The following EIF4A2 variants were observed in gnomAD, a reference collection of about 807,000 sequenced individuals.
EIF4A2 encodes the protein eukaryotic translation initiation factor 4A2, also known as eukaryotic initiation factor 4A-II.
EIF4A2 carries 9 observed loss-of-function variants against 50.6 expected under a neutral mutation model. That is an observed-to-expected ratio of 0.18 (90% CI 0.11 to 0.31). EIF4A2 has a LOEUF of 0.31. Among genes scored for constraint, EIF4A2 ranks in the 10% least tolerant of loss-of-function variants. The pLI is 1.00. For missense variants in EIF4A2, 182 were observed against 501.8 expected (o/e 0.36, Z 6.09); for synonymous variants, 215 against 164.4 (o/e 1.31, Z -2.35).
chr3:186,785,786 A>C, intron 4 of EIF4A2, 97 bp from the exon 5 acceptor site: 2 of 1,467,032 alleles, frequency 1.4e-6, no homozygotes. Context: ...CATGCATAAA[A>C]GCTGTTGGCA....
At chr3:186,788,958 GGAA>G in intron 10 of EIF4A2, 164 bp from the exon 11 acceptor site, 1 of 969,738 alleles carries the variant, frequency 1.0e-6, no homozygotes, top group South Asian at 2.1e-5. Flanking sequence ...TAACTGCAAA[GGAA>G]GATTTTTTTC....
Position 186,789,464 on chromosome 3 carries a change from A to G in EIF4A2, c.*195A>G. The G allele has an allele frequency of 3.2e-6, 2 of 620,838 alleles. No homozygotes were observed. Among genetic ancestry groups the G allele is most frequent in the South Asian group, 3.4e-5 (1 of 29,588 alleles). 38.5% of individuals were successfully genotyped at this position (620,838 alleles called of 1,614,324 possible). A position where few individuals can be genotyped will look rare whatever the true frequency, so the allele number is the denominator to read the frequency against. ...GAAAGTCATTGGCTTTATCCTCTTT[A>G]GAGTTAGACTGTTGGGGTGGGTATA... On this transcript the variant is annotated 3_prime_UTR_variant, in exon 11 of 11. Coordinates refer to ENST00000323963, the MANE Select transcript of EIF4A2 (RefSeq NM_001967.4).
Position 186,784,697 on chromosome 3 carries a change from G to A in EIF4A2, c.208+1G>A. 6.2e-7 allele frequency: 1 copy of A among 1,612,922 alleles called. No individual in the cohort carries two copies. On this transcript the variant is annotated splice_donor_variant, in intron 3 of 10. Coordinates refer to ENST00000323963, the MANE Select transcript of EIF4A2 (RefSeq NM_001967.4). LOFTEE classifies it high-confidence loss of function. ...AGAGCTATTATTCCCTGTATTAAAG[G>A]TAAAAGAAACTGGCATTTTTAGGAA...
intron 1 of EIF4A2, 30 bp downstream of exon 1, chr3:186,783,669 T>C (rs750958477): frequency 1.4e-4 from 220 of 1,613,894 alleles, no homozygotes; most frequent in Non-Finnish European, 1.8e-4. Context: ...TCGCGGTCTG[T>C]AGTGAAGGTC....
intron 1 of EIF4A2, chr3:186,783,904 G>A: frequency 2.2e-6 from 1 of 459,378 alleles, no homozygotes. Context: ...CCAGTGTAGA[G>A]CACGGGAAAC....
Position 186,789,308 on chromosome 3 carries a change from G to C in EIF4A2, c.*39G>C, listed in dbSNP as rs1242598164. 1 of 1,579,592 alleles carries C rather than the reference G, an allele frequency of 6.3e-7. No individual in the cohort carries two copies. Among genetic ancestry groups the C allele is most frequent in the Non-Finnish European group, 8.6e-7 (1 of 1,162,944 alleles). On this transcript the variant is annotated 3_prime_UTR_variant, in exon 11 of 11. Coordinates refer to ENST00000323963, the MANE Select transcript of EIF4A2 (RefSeq NM_001967.4). The stretch of plus-strand genomic sequence containing the variant: ...AGTTTTGGATGCAGTGCTCGCTGTT[G>C]CTGAATAGGCGATCACAACGTGCAT...
Position 186,783,620 on chromosome 3 carries a change from G to C in EIF4A2, c.10G>C (p.Gly4Arg). MSGGSADYNREHGG... is the reference protein window; with the variant it reads MSGRSADYNREHGG... Reference sequence around the variant, plus strand: ...AGTGGTTTTTCGGATCATGTCTGGTGGCTCCGCGGATTATAACAGGTATGC... The same window carrying C: ...AGTGGTTTTTCGGATCATGTCTGGTCGCTCCGCGGATTATAACAGGTATGC... The change falls in exon 1 of 11, where the codon GGC becomes CGC. Residue 4 changes from glycine (G) to arginine (R), a missense_variant. Physicochemically the swap from Gly to Arg is moderately radical, Grantham distance 125. Transcript: ENST00000323963. The C allele has an allele frequency of 6.2e-7, 1 of 1,614,176 alleles. No homozygotes were observed.
intron 10 of EIF4A2, 195 bp from the exon 11 acceptor site, chr3:186,788,930 C>CT (rs1721955117): frequency 3.0e-6 from 2 of 657,922 alleles, no homozygotes; most frequent in African/African-American, 1.9e-5. Context: ...CCAGACAAGC[C>CT]TTGAATCCTT....
In EIF4A2 at chr3:186,784,561, C is replaced by T. The variant is rs781399553; in HGVS notation, c.76-3C>T. On this transcript the variant is annotated splice_region_variant and splice_polypyrimidine_tract_variant and intron_variant, in intron 2 of 10. Transcript: ENST00000323963. ...TGCGTGCATTATTTTTTCTAACTTA[C>T]AGAGCAACTGGAATGAGATTGTTGA... 2 of 1,614,112 alleles carry T rather than the reference C, an allele frequency of 1.2e-6. No individual in the cohort carries two copies. Among genetic ancestry groups the T allele is most frequent in the Non-Finnish European group, 1.7e-6 (2 of 1,179,966 alleles).
At chr3:186,784,909 T>C in intron 3 of EIF4A2, 53 bp from the exon 4 acceptor site, 1 of 1,613,876 alleles carries the variant, frequency 6.2e-7, no homozygotes, top group Non-Finnish European at 8.5e-7. Flanking sequence ...TGGTGTGAAG[T>C]AGAAGTGACA....
At chr3:186,788,068 G>A (rs1359921677) in intron 10 of EIF4A2, 186 bp downstream of exon 10, 7 of 754,040 alleles carry the variant, frequency 9.3e-6, no homozygotes, top group Non-Finnish European at 1.5e-5. Flanking sequence ...TGTAAACATT[G>A]CCCAGATTGT....
Position 186,783,615 on chromosome 3 carries a change from C to T in EIF4A2, c.5C>T (p.Ser2Phe), listed in dbSNP as rs764605841. 2.7e-5 allele frequency: 43 copies of T among 1,614,018 alleles called. No individual in the cohort carries two copies. The highest frequency in any genetic ancestry group is 3.3e-5 in the Admixed American group (2 of 59,992). The change falls in exon 1 of 11, where the codon TCT (serine) becomes TTT (phenylalanine). Residue 2 changes from serine (S) to phenylalanine (F), a missense_variant. Coordinates refer to ENST00000323963, the MANE Select transcript of EIF4A2 (RefSeq NM_001967.4). ...CGCTGAGTGGTTTTTCGGATCATGT[C>T]TGGTGGCTCCGCGGATTATAACAGG... is the stretch of plus-strand genomic sequence containing the variant. M[S>F]GGSADYNREH...
At chr3:186,785,483 AC>A (rs1721639727) in intron 4 of EIF4A2, 1 of 301,116 alleles carries the variant, frequency 3.3e-6, no homozygotes, top group Non-Finnish European at 6.2e-6. Context: ...TTTGAAGTAA[AC>A]CTTCCTAATA....
rs757081149 is a variant in EIF4A2, at chr3:186,789,274, T to C, written c.*5T>C. The C allele has an allele frequency of 1.8e-5, 29 of 1,603,984 alleles. No homozygotes were observed. The South Asian group carries it at 2.0e-4, about 11-fold the overall frequency. The stretch of plus-strand genomic sequence containing the variant: ...AATGTGGCTGACCTTATTTAATTCC[T>C]GGGATGAGAGTTTTGGATGCAGTGC... On this transcript the variant is annotated 3_prime_UTR_variant, in exon 11 of 11. Transcript: ENST00000323963.
At position 186,789,320 on chromosome 3, in the gene EIF4A2, A is replaced by T. The variant is rs767921628; in HGVS notation, c.*51A>T. ...AGTGCTCGCTGTTGCTGAATAGGCG[A>T]TCACAACGTGCATTGTGCTTCTTTC... On this transcript the variant is annotated 3_prime_UTR_variant, in exon 11 of 11. Coordinates refer to ENST00000323963, the MANE Select transcript of EIF4A2 (RefSeq NM_001967.4). The T allele has an allele frequency of 6.4e-7, 1 of 1,568,114 alleles. No homozygotes were observed. Among genetic ancestry groups the T allele is most frequent in the African/African-American group, 1.4e-5 (1 of 73,348 alleles).
intron 7 of EIF4A2, 199 bp downstream of exon 7, chr3:186,786,844 G>A (rs1579162595): frequency 1.1e-6 from 1 of 901,970 alleles, no homozygotes. Flanking sequence ...AAGATTTGGT[G>A]CAATATCTCA....
At chr3:186,788,825 T>C (rs901353913) in intron 10 of EIF4A2, 1 of 306,388 alleles carries the variant, frequency 3.3e-6, no homozygotes, top group African/African-American at 2.2e-5. Context: ...GCTGGCCCAC[T>C]TTGGTATGGG....
chr3:186,784,791 C>T (rs759495727), intron 3 of EIF4A2, 95 bp downstream of exon 3: 5 of 1,602,884 alleles, frequency 3.1e-6, no homozygotes, highest in Non-Finnish European at 1.7e-6. Flanking sequence ...TGTTTGTATT[C>T]CTTAAAGTGA....
intron 3 of EIF4A2, 81 bp downstream of exon 3, chr3:186,784,777 C>CACCTGTTTGTAT (rs1448270198): frequency 1.2e-6 from 2 of 1,605,896 alleles, no homozygotes; most frequent in African/African-American, 2.7e-5. Flanking sequence ...GGGGGACTAG[C>CACCTGTTTGTAT]ACCTGTTTGT....
Sources: allele counts gnomAD v4.1 joint callset, GRCh38; gene constraint gnomAD v4.1.1; transcripts MANE v1.5; gene names NCBI Gene and HGNC (gene_info 2026-07-23, HGNC 2026-07-21).